The following ASZ1 variants were observed in gnomAD, a reference collection of about 807,000 sequenced individuals.
The protein encoded by ASZ1 is ankyrin repeat, SAM and basic leucine zipper domain containing 1.
In ASZ1, 67 loss-of-function variants were observed where a neutral mutation model predicts 61.8. The ratio of observed to expected loss-of-function variants is 1.08; its 90% CI spans 0.89 to 1.33. ASZ1 has a LOEUF of 1.33. ASZ1 is among the 40% of genes most tolerant of loss of function. The pLI is 0.00. For synonymous variants in ASZ1, 193 were observed against 192.7 expected, an observed-to-expected ratio of 1.00 and a Z score of -0.01; for missense variants, 577 against 554.5, an observed-to-expected ratio of 1.04 and a Z score of -0.41.
At chr7:117,366,572 T>C (rs1795943619) in intron 12 of ASZ1, among the ~76,000 whole-genome samples, 1 of 151,882 alleles carries the variant, frequency 6.6e-6, no homozygotes, top group Admixed American at 6.6e-5. Context: ...CAACAAAGGT[T>C]CCCATTCCAA....
intron 2 of ASZ1, among the ~76,000 whole-genome samples, chr7:117,425,259 C>T (rs73213834): frequency 0.15 from 14,202 of 94,652 alleles, 2,264 homozygotes; most frequent in African/African-American, 0.4. Context: ...TGAGTAATTT[C>T]TTTTTTTTTT....
At chr7:117,423,699 A>T (rs1190762821) in intron 2 of ASZ1, among the ~76,000 whole-genome samples, 1 of 149,882 alleles carries the variant, frequency 6.7e-6, no homozygotes, top group African/African-American at 2.4e-5. Context: ...CAAAAAAAAA[A>T]AAAAAAAAAA....
intron 2 of ASZ1, among the ~76,000 whole-genome samples, chr7:117,422,981 T>C (rs1797126937): frequency 6.6e-6 from 1 of 152,060 alleles, no homozygotes; most frequent in Admixed American, 6.6e-5. Flanking sequence ...AAACTAGTTA[T>C]AACACAGGAA....
At chr7:117,393,778 A>G (rs1350417765) in intron 4 of ASZ1, among the ~76,000 whole-genome samples, 1 of 152,158 alleles carries the variant, frequency 6.6e-6, no homozygotes, top group African/African-American at 2.4e-5. Context: ...TCATGCGTCC[A>G]TAATAAATAC....
chr7:117,383,737 T>C (rs1388183533), intron 6 of ASZ1, among the ~76,000 whole-genome samples: 3 of 152,062 alleles, frequency 2.0e-5, no homozygotes, highest in African/African-American at 4.8e-5. Flanking sequence ...AAAATAACCT[T>C]TGATGTTCAT....
At chr7:117,395,805 A>G (rs1298618808) in intron 4 of ASZ1, among the ~76,000 whole-genome samples, 5 of 152,310 alleles carry the variant, frequency 3.3e-5, no homozygotes, top group East Asian at 3.9e-4. Flanking sequence ...AATTAGAGGC[A>G]TAGTTCAATG....
At chr7:117,420,732 G>A (rs1191331116) in intron 3 of ASZ1, among the ~76,000 whole-genome samples, 1 of 152,132 alleles carries the variant, frequency 6.6e-6, no homozygotes, top group Non-Finnish European at 1.5e-5. Context: ...CATTGGTTTG[G>A]TTTCTTTTCA....
intron 10 of ASZ1, among the ~76,000 whole-genome samples, chr7:117,369,798 G>A (rs1173952701): frequency 6.6e-6 from 1 of 152,168 alleles, no homozygotes; most frequent in Admixed American, 6.5e-5. Flanking sequence ...TGGGATAAAA[G>A]AAAACATTAT....
intron 4 of ASZ1, among the ~76,000 whole-genome samples, chr7:117,389,869 T>G (rs1423820356): frequency 6.6e-6 from 1 of 152,208 alleles, no homozygotes; most frequent in Non-Finnish European, 1.5e-5. Context: ...TATTCTTGGT[T>G]TATGGGCAGC....
intron 9 of ASZ1, 118 bp downstream of exon 9, chr7:117,380,893 A>G: frequency 3.5e-6 from 3 of 861,396 alleles, no homozygotes; most frequent in South Asian, 3.1e-5. Flanking sequence ...AATCAAGGAC[A>G]CAGTAGAAGA....
At chr7:117,418,649 T>C (rs940847087) in intron 4 of ASZ1, among the ~76,000 whole-genome samples, 9 of 97,816 alleles carry the variant, frequency 9.2e-5, no homozygotes, top group African/African-American at 7.5e-4. Context: ...CAAGACTCCA[T>C]CTCAAAAAAA....
chr7:117,383,362 T>C (rs763394224), intron 6 of ASZ1, among the ~76,000 whole-genome samples: 6 of 151,962 alleles, frequency 3.9e-5, no homozygotes, highest in Non-Finnish European at 5.9e-5. Flanking sequence ...ATCAGGGTAA[T>C]TGGGATATCT....
At chr7:117,400,111 G>C (rs1037606893) in intron 4 of ASZ1, among the ~76,000 whole-genome samples, 1 of 152,098 alleles carries the variant, frequency 6.6e-6, no homozygotes, top group African/African-American at 2.4e-5. Context: ...GGGGTAAAAT[G>C]GTTGGTCTTC....
chr7:117,369,077 A>G (rs1796000224), intron 10 of ASZ1, among the ~76,000 whole-genome samples: 1 of 152,170 alleles, frequency 6.6e-6, no homozygotes, highest in Non-Finnish European at 1.5e-5. Flanking sequence ...AACAACCCCT[A>G]TAGGATAGAT....
intron 10 of ASZ1, among the ~76,000 whole-genome samples, chr7:117,376,262 T>C (rs1446772377): frequency 1.3e-5 from 2 of 152,034 alleles, no homozygotes; most frequent in South Asian, 2.1e-4. Context: ...AAAACAGATA[T>C]AACTTGAATA....
chr7:117,396,104 A>C (rs1796571198), intron 4 of ASZ1, among the ~76,000 whole-genome samples: 1 of 152,198 alleles, frequency 6.6e-6, no homozygotes, highest in African/African-American at 2.4e-5. Flanking sequence ...TCACTGCCTC[A>C]GTTTCTACAA....
intron 4 of ASZ1, among the ~76,000 whole-genome samples, chr7:117,392,355 T>A (rs543998631): frequency 1.3e-5 from 2 of 152,330 alleles, no homozygotes; most frequent in South Asian, 4.1e-4. Context: ...TGGAAAATCC[T>A]TTTTTTCAGC....
intron 4 of ASZ1, among the ~76,000 whole-genome samples, chr7:117,393,552 T>C (rs973006211): frequency 6.6e-6 from 1 of 152,184 alleles, no homozygotes; most frequent in Non-Finnish European, 1.5e-5. Context: ...TTACCAGGTA[T>C]AAATATTTGC....
Position 117,384,743 on chromosome 7 carries a change from T to G in ASZ1, c.670A>C (p.Arg224=), listed in dbSNP as rs751090830. The change falls in exon 6 of 13, where the codon AGA becomes CGA. Residue 224 remains arginine, a synonymous_variant. Transcript: ENST00000284629. The part of the protein sequence containing the change: ...DGKMPSEIAK[R]NKHHEIFNLL... ...AAGGATACCTCATGATGTTTGTTTC[T>G]TTTTGCAATCTCACTTGGCATCTTT... 20 of 1,612,180 alleles carry G rather than the reference T, an allele frequency of 1.2e-5. No individual in the cohort carries two copies. The Admixed American group carries it at 3.2e-4, about 26-fold the overall frequency.
Sources: gnomAD v4.1 joint callset for allele counts (sites outside exome capture counted in the v4.1 genomes callset) on GRCh38, gnomAD v4.1.1 for gene constraint, MANE v1.5 for transcripts, NCBI Gene and HGNC (gene_info 2026-07-23, HGNC 2026-07-21) for gene names.